The following PCSK9 variants were observed in gnomAD, a reference collection of about 807,000 sequenced individuals.
PCSK9 encodes proprotein convertase subtilisin/kexin type 9.
In PCSK9, 57 loss-of-function variants were observed where a neutral mutation model predicts 62.1. That is an observed-to-expected ratio of 0.92 (90% confidence interval 0.74 to 1.14). PCSK9 has a LOEUF of 1.14. Among genes scored for constraint, PCSK9 ranks in the 50% most tolerant of loss-of-function variants. The probability of loss-of-function intolerance (pLI) is 0.00; values close to 1 mark genes in which losing one functional copy is unlikely to be tolerated. For synonymous variants in PCSK9, 387 were observed against 409.4 expected, an observed-to-expected ratio of 0.95 and a Z score of 0.66; for missense variants, 870 against 959.8, an observed-to-expected ratio of 0.91 and a Z score of 1.24.
At chr1:55,046,771 G>A in intron 3 of PCSK9, 125 bp downstream of exon 3, 2 of 1,121,498 alleles carry the variant, frequency 1.8e-6, no homozygotes, top group Non-Finnish European at 2.6e-6. Context: ...CACCTCCACT[G>A]ACCCCTTTTT....
At chr1:55,042,462 T>G (rs1458752002) in intron 1 of PCSK9, among the ~76,000 whole-genome samples, 1 of 152,212 alleles carries the variant, frequency 6.6e-6, no homozygotes, top group Non-Finnish European at 1.5e-5. Context: ...AGACTCTGAT[T>G]GCCCATTACT....
At position 55,052,184 on chromosome 1, in the gene PCSK9, A is replaced by G. The variant is rs1553136820; in HGVS notation, c.524-94A>G. ...TGAATATATTTAAGGCGCTTTCACC[A>G]GTGCCTGGGATGTGCTCTGTAGTTT... On this transcript the variant is annotated intron_variant, in intron 3 of 11. Coordinates refer to ENST00000302118, the MANE Select transcript of PCSK9 (RefSeq NM_174936.4). 1.9e-6 allele frequency: 3 copies of G among 1,552,322 alleles called. No homozygotes were observed. In the South Asian group the frequency reaches 3.4e-5, roughly 17 times the overall value.
chr1:55,052,550 A>G lies in PCSK9; in HGVS notation c.658-100A>G, dbSNP rs893457129. On this transcript the variant is annotated intron_variant, in intron 4 of 11. Coordinates refer to ENST00000302118, the MANE Select transcript of PCSK9 (RefSeq NM_174936.4). ...CAGCTGTCACTGTCCCCTCCCTGCC[A>G]TCAGTTGTGGGAAGGGCGTTCATCC... 3.1e-6 allele frequency: 5 copies of G among 1,602,212 alleles called. No homozygotes were observed. In the African/African-American group the frequency reaches 5.4e-5, roughly 17 times the overall value.
At chr1:55,047,455 G>A (rs573785574) in intron 3 of PCSK9, among the ~76,000 whole-genome samples, 203 of 152,296 alleles carry the variant, frequency 1.3e-3, no homozygotes, top group African/African-American at 4.5e-3. Flanking sequence ...ACCCCTTACC[G>A]GTTCTCGTGG....
intron 11 of PCSK9, 118 bp downstream of exon 11, chr1:55,061,674 T>A (rs755429883): frequency 8.7e-5 from 115 of 1,323,446 alleles, no homozygotes; most frequent in Non-Finnish European, 1.2e-4. Flanking sequence ...GTTTGCCAGG[T>A]AGATGCTGTG....
At chr1:55,053,293 C>G (rs890563336) in intron 5 of PCSK9, among the ~76,000 whole-genome samples, 2 of 152,070 alleles carry the variant, frequency 1.3e-5, no homozygotes, top group African/African-American at 4.8e-5. Context: ...TTTAGTCCAC[C>G]CAGCGGCCCC....
At position 55,039,815 on chromosome 1, in the gene PCSK9, C is replaced by T. The variant is rs1393600693; in HGVS notation, c.-23C>T. The T allele has an allele frequency of 2.5e-6, 4 of 1,569,028 alleles. No homozygotes were observed. The highest frequency in any genetic ancestry group is 2.3e-5 in the East Asian group (1 of 43,206). The stretch of plus-strand genomic sequence containing the variant: ...CGGCCTCTAGGTCTCCTCGCCAGGA[C>T]AGCAACCTCTCCCCTGGCCCTCATG... On this transcript the variant is annotated 5_prime_UTR_variant, in exon 1 of 12. Transcript: ENST00000302118.
In PCSK9 at chr1:55,063,456, G is replaced by T. The variant is rs770716587; in HGVS notation, c.1951G>T (p.Asp651Tyr). Residue 651 changes from aspartate (D) to tyrosine (Y), a missense_variant, in exon 12 of 12, where the codon GAC becomes TAC. Coordinates refer to ENST00000302118, the MANE Select transcript of PCSK9 (RefSeq NM_174936.4). ...TSHVLGAYAV[D>Y]NTCVVRSRDV... ...CCACGTCCTGGGGGCCTACGCCGTA[G>T]ACAACACGTGTGTAGTCAGGAGCCG... The T allele has an allele frequency of 5.0e-6, 8 of 1,614,024 alleles. No individual in the cohort carries two copies. The African/African-American group carries it at 9.3e-5, about 19-fold the overall frequency.
Position 55,039,926 on chromosome 1 carries a change from C to G in PCSK9, c.89C>G (p.Ala30Gly), listed in dbSNP as rs958750957. ...LLLLGPAGAR[A>G]QEDEDGDYEE... is the part of the protein sequence containing the mutation. Reference sequence around the variant, plus strand: ...CTCCTGGGTCCCGCGGGCGCCCGTGCGCAGGAGGACGAGGACGGCGACTAC... The same window carrying G: ...CTCCTGGGTCCCGCGGGCGCCCGTGGGCAGGAGGACGAGGACGGCGACTAC... Residue 30 changes from alanine to glycine, a missense_variant, in exon 1 of 12, where the codon GCG becomes GGG. By Grantham distance (60) the Ala-to-Gly change is moderately conservative (BLOSUM62 0). Coordinates refer to ENST00000302118, the MANE Select transcript of PCSK9 (RefSeq NM_174936.4). 4 of 1,570,136 alleles carry G rather than the reference C, an allele frequency of 2.5e-6. No individual in the cohort carries two copies. Among genetic ancestry groups the G allele is most frequent in the Non-Finnish European group, 3.5e-6 (4 of 1,158,858 alleles).
At chr1:55,055,641 G>C (rs1274666400) in intron 5 of PCSK9, among the ~76,000 whole-genome samples, 1 of 152,164 alleles carries the variant, frequency 6.6e-6, no homozygotes, top group African/African-American at 2.4e-5. Flanking sequence ...GGCAGGCCAG[G>C]CAGGCTGGCA....
intron 6 of PCSK9, among the ~76,000 whole-genome samples, chr1:55,056,909 C>T (rs1276703147): frequency 2.1e-5 from 3 of 145,728 alleles, no homozygotes; most frequent in African/African-American, 5.1e-5. Context: ...AGAGCAGATG[C>T]GTACCTGACA....
Position 55,046,695 on chromosome 1 carries a change from T to C in PCSK9, c.523+49T>C, listed in dbSNP as rs755549408. On this transcript the variant is annotated intron_variant, in intron 3 of 11. Transcript: ENST00000302118. ...CCCCACCCCATCTGAGCTGAATCCATTTGCTCTGCCCTGGCCTGGCCTCCC... is the reference window on the plus strand; with the variant it reads ...CCCCACCCCATCTGAGCTGAATCCACTTGCTCTGCCCTGGCCTGGCCTCCC... The C allele has an allele frequency of 8.7e-6, 14 of 1,609,098 alleles. No individual in the cohort carries two copies. The South Asian group carries it at 1.5e-4, about 18-fold the overall frequency.
In PCSK9 at chr1:55,039,775, G is replaced by T; in HGVS notation, c.-63G>T. 1 of 1,550,508 alleles carries T rather than the reference G, an allele frequency of 6.4e-7. No individual in the cohort carries two copies. Among genetic ancestry groups the T allele is most frequent in the East Asian group, 2.3e-5 (1 of 42,830 alleles). ...CCACCGCAAGGCTCAAGGCGCCGCCGGCGTGGACCGCGCACGGCCTCTAGG... is the reference window on the plus strand; with the variant it reads ...CCACCGCAAGGCTCAAGGCGCCGCCTGCGTGGACCGCGCACGGCCTCTAGG... On this transcript the variant is annotated 5_prime_UTR_variant, in exon 1 of 12. Coordinates refer to ENST00000302118, the MANE Select transcript of PCSK9 (RefSeq NM_174936.4).
intron 3 of PCSK9, among the ~76,000 whole-genome samples, chr1:55,048,865 T>C (rs896693406): frequency 5.9e-5 from 9 of 152,348 alleles, no homozygotes; most frequent in African/African-American, 1.9e-4. Context: ...CTGTCAGGTA[T>C]TGAGTGAGGT....
intron 5 of PCSK9, among the ~76,000 whole-genome samples, chr1:55,053,299 G>GC (rs1399454322): frequency 3.9e-5 from 6 of 152,092 alleles, no homozygotes; most frequent in Admixed American, 1.3e-4. Context: ...CCACCCAGCG[G>GC]CCCCCCTATG....
Position 55,063,868 on chromosome 1 carries a change from G to C in PCSK9, c.*284G>C, listed in dbSNP as rs1404765851. 5.9e-6 allele frequency: 3 copies of C among 509,480 alleles called. No homozygotes were observed. The highest frequency in any genetic ancestry group is 1.1e-5 in the Non-Finnish European group (3 of 284,296). The allele number at this position is 509,480 out of a possible 1,614,324, so 31.6% of individuals were successfully genotyped here. ...ACAGGTCGAGCTGTGCTCGGGTGCT[G>C]CCAGCTGCTCCCAATGTGCCGATGT... is the stretch of plus-strand genomic sequence containing the variant. On this transcript the variant is annotated 3_prime_UTR_variant, in exon 12 of 12. Transcript: ENST00000302118.
At chr1:55,052,099 C>A in intron 3 of PCSK9, 179 bp from the exon 4 acceptor site, 1 of 889,732 alleles carries the variant, frequency 1.1e-6, no homozygotes, top group Non-Finnish European at 1.8e-6. Flanking sequence ...CTTTCCTTGT[C>A]TATGAAATAC....
intron 2 of PCSK9, 126 bp downstream of exon 2, chr1:55,044,160 T>G: frequency 1.8e-6 from 2 of 1,140,378 alleles, no homozygotes; most frequent in Non-Finnish European, 1.3e-6. Context: ...TATTGAGCAC[T>G]TATCGGGTAC....
At chr1:55,050,550 A>T (rs944888821) in intron 3 of PCSK9, among the ~76,000 whole-genome samples, 6 of 152,224 alleles carry the variant, frequency 3.9e-5, no homozygotes, top group African/African-American at 1.4e-4. Context: ...GGACCTGCTC[A>T]GCATGCTACA....
Sources: gnomAD v4.1 joint callset for allele counts (sites outside exome capture counted in the v4.1 genomes callset) on GRCh38, gnomAD v4.1.1 for gene constraint, MANE v1.5 for transcripts, NCBI Gene and HGNC (gene_info 2026-07-23, HGNC 2026-07-21) for gene names.